Variants in PDS5B observed in about 807,000 individuals in gnomAD.
The protein encoded by PDS5B is PDS5 cohesin associated factor B.
PDS5B carries 51 observed loss-of-function variants against 184.1 expected under a neutral mutation model. The observed-to-expected ratio is 0.28, with a 90% CI of 0.22 to 0.35. The LOEUF is 0.35. Among genes scored for constraint, PDS5B ranks in the 10% least tolerant of loss-of-function variants. PDS5B has a pLI of 1.00. For synonymous variants in PDS5B, 566 were observed against 569.2 expected (o/e 0.99, Z 0.08); for missense variants, 1,180 against 1,723.3 (o/e 0.68, Z 5.58).
At chr13:32,612,918 C>T (rs1211172131) in intron 1 of PDS5B, among the ~76,000 whole-genome samples, 3 of 152,156 alleles carry the variant, frequency 2.0e-5, no homozygotes, top group African/African-American at 4.8e-5. Context: ...AGGACAAAAT[C>T]GACACCCCTC....
At chr13:32,678,263 A>T (rs1450840490) in intron 9 of PDS5B, among the ~76,000 whole-genome samples, 1 of 152,232 alleles carries the variant, frequency 6.6e-6, no homozygotes, top group Non-Finnish European at 1.5e-5. Context: ...TTTTAGGGAT[A>T]CATACATATT....
intron 1 of PDS5B, among the ~76,000 whole-genome samples, chr13:32,615,077 C>A (rs146054091): frequency 0.014 from 2,084 of 152,260 alleles, 38 homozygotes; most frequent in South Asian, 0.081. Context: ...ACCACAGAAC[C>A]ACCTCCGTTG....
intron 1 of PDS5B, among the ~76,000 whole-genome samples, chr13:32,630,283 G>T (rs1481567043): frequency 2.0e-5 from 3 of 152,202 alleles, no homozygotes; most frequent in African/African-American, 7.2e-5. Context: ...GAATCTGAGT[G>T]TAAGAACAGA....
chr13:32,667,115 G>C (rs1005845431), intron 6 of PDS5B, among the ~76,000 whole-genome samples: 1 of 152,032 alleles, frequency 6.6e-6, no homozygotes, highest in Non-Finnish European at 1.5e-5. Flanking sequence ...CAGTGTTCCT[G>C]TTCTCTGGAA....
chr13:32,688,941 G>T (rs1003519866), intron 13 of PDS5B: 3 of 232,616 alleles, frequency 1.3e-5, no homozygotes, highest in Non-Finnish European at 2.6e-5. Context: ...GTGTACTGAT[G>T]TGCATTACGG....
intron 1 of PDS5B, among the ~76,000 whole-genome samples, chr13:32,604,390 T>C (rs764641443): frequency 6.6e-6 from 1 of 152,222 alleles, no homozygotes; most frequent in African/African-American, 2.4e-5. Context: ...TTGATTTGCG[T>C]ATATTGAACC....
chr13:32,776,030 C>T lies in PDS5B; in HGVS notation c.*978C>T, dbSNP rs180775338. On this transcript the variant is annotated 3_prime_UTR_variant, in exon 35 of 35. Transcript: ENST00000315596. ...ACACATTAGAAATATTCCAGTTCTC[C>T]GTAACAGTGTAAAGTTAATCAGAAA... 3.1e-4 allele frequency: 49 copies of T among 155,600 alleles called. 1 individual carries two copies. The highest frequency in any genetic ancestry group is 5.0e-4 in the Non-Finnish European group (35 of 70,154). The allele number at this position is 155,600 out of a possible 1,614,324, so 9.6% of individuals were successfully genotyped here.
chr13:32,658,771 C>T (rs958769441), intron 5 of PDS5B, among the ~76,000 whole-genome samples: 1 of 152,068 alleles, frequency 6.6e-6, no homozygotes, highest in Non-Finnish European at 1.5e-5. Flanking sequence ...CATTATTTGT[C>T]TATAAAACAT....
chr13:32,733,403 T>C (rs578236938), intron 20 of PDS5B, among the ~76,000 whole-genome samples: 3 of 152,266 alleles, frequency 2.0e-5, no homozygotes, highest in South Asian at 2.1e-4. Context: ...GATTTTGTTA[T>C]GGAAAATTAC....
At chr13:32,653,859 A>G (rs1490093291) in intron 3 of PDS5B, among the ~76,000 whole-genome samples, 1 of 152,200 alleles carries the variant, frequency 6.6e-6, no homozygotes, top group African/African-American at 2.4e-5. Context: ...ATGACGAGGA[A>G]GTCTAACTTA....
chr13:32,773,509 TG>T (rs1954859480), intron 34 of PDS5B, among the ~76,000 whole-genome samples, 185 bp downstream of exon 34: 2 of 152,142 alleles, frequency 1.3e-5, no homozygotes, highest in Non-Finnish European at 1.5e-5. Context: ...AGCAAATAGG[TG>T]TAGCTTAATG....
At chr13:32,645,431 T>C (rs1205620282) in intron 1 of PDS5B, among the ~76,000 whole-genome samples, 1 of 152,246 alleles carries the variant, frequency 6.6e-6, no homozygotes, top group Non-Finnish European at 1.5e-5. Context: ...GACTCACTAG[T>C]AAAGCCATCT....
chr13:32,587,763 G>A (rs2057713303), intron 1 of PDS5B, among the ~76,000 whole-genome samples: 1 of 152,212 alleles, frequency 6.6e-6, no homozygotes, highest in Admixed American at 6.5e-5. Flanking sequence ...AGTGCTTCTC[G>A]TACTTTTAAT....
At chr13:32,587,167 T>TCGCCCC (rs1254212909) in intron 1 of PDS5B, among the ~76,000 whole-genome samples, 1 of 147,990 alleles carries the variant, frequency 6.8e-6, no homozygotes, top group East Asian at 2.1e-4. Context: ...GCGGGCGCTC[T>TCGCCCC]CGCCCCCGCC....
At chr13:32,710,790 A>T (rs188224231) in intron 19 of PDS5B, among the ~76,000 whole-genome samples, 1 of 152,182 alleles carries the variant, frequency 6.6e-6, no homozygotes, top group East Asian at 1.9e-4. Flanking sequence ...CTTACCCATT[A>T]GTCTGGTTAG....
At position 32,657,363 on chromosome 13, in the gene PDS5B, G is replaced by A. The variant is rs568511129; in HGVS notation, c.313-876G>A. 2.6e-5 allele frequency among the ~76,000 whole-genome samples: 4 copies of A among 152,190 alleles called. No individual in the cohort carries two copies. The South Asian group carries it at 8.3e-4, about 32-fold the overall frequency. On this transcript the variant is annotated intron_variant, in intron 3 of 34. Transcript: ENST00000315596. ...TCATTGTTGGTTTAAAGCCTGTTTT[G>A]TCTGAAATTAGAATAGCAACCCCTG...
rs771691656 is a variant in PDS5B at position 32,773,267 on chromosome 13, T to C, written c.4251T>C (p.Ser1417=). Residue 1417 remains serine, a synonymous_variant, in exon 34 of 35, where the codon TCT becomes TCC. Coordinates refer to ENST00000315596, the MANE Select transcript of PDS5B (RefSeq NM_015032.4). The part of the protein sequence containing the change: ...SEEVDVFQGS[S]PVDDIPQEET... ...AAGTAGATGTGTTTCAGGGTAGCTC[T>C]CCTGTCGATGATATTCCACAGGAAG... The C allele has an allele frequency of 1.2e-5, 19 of 1,613,062 alleles. No individual in the cohort carries two copies. Among genetic ancestry groups the C allele is most frequent in the Non-Finnish European group, 1.6e-5 (19 of 1,179,378 alleles).
chr13:32,728,225 A>T (rs1003671191), intron 19 of PDS5B, among the ~76,000 whole-genome samples: 1 of 151,704 alleles, frequency 6.6e-6, no homozygotes, highest in South Asian at 2.1e-4. Context: ...TCTTGAGTCT[A>T]TGTAGCATAG....
intron 1 of PDS5B, among the ~76,000 whole-genome samples, chr13:32,616,116 C>A (rs139654988): frequency 0.015 from 2,338 of 151,660 alleles, 69 homozygotes; most frequent in African/African-American, 0.054. Context: ...TGCAATGGCG[C>A]GATCTTGGCT....
Sources: allele counts gnomAD v4.1 joint callset (sites outside exome capture counted in the v4.1 genomes callset), GRCh38; gene constraint gnomAD v4.1.1; transcripts MANE v1.5; gene names NCBI Gene and HGNC (gene_info 2026-07-23, HGNC 2026-07-21).